PPP2R5E: variants seen among roughly 807,000 people sequenced by gnomAD.
PPP2R5E encodes serine/threonine-protein phosphatase 2A 56 kDa regulatory subunit epsilon isoform.
PPP2R5E carries 4 observed loss-of-function variants against 65.3 expected under a neutral mutation model. The observed-to-expected ratio is 0.06, with a 90% CI of 0.03 to 0.14. The LOEUF (loss-of-function observed/expected upper bound fraction) is 0.14. PPP2R5E is among the 10% of genes least tolerant of loss of function. The pLI is 1.00. For missense variants in PPP2R5E, 274 were observed against 556.1 expected (o/e 0.49, Z 5.10); for synonymous variants, 183 against 187.4 (o/e 0.98, Z 0.19).
chr14:63,464,196 G>A (rs1326258084), intron 2 of PPP2R5E, among the ~76,000 whole-genome samples: 1 of 152,110 alleles, frequency 6.6e-6, no homozygotes, highest in African/African-American at 2.4e-5. Context: ...ATGAAGAGGA[G>A]ACAAAAGTCC....
At chr14:63,519,325 A>G (rs776288902) in intron 2 of PPP2R5E, among the ~76,000 whole-genome samples, 5 of 152,164 alleles carry the variant, frequency 3.3e-5, no homozygotes, top group Non-Finnish European at 5.9e-5. Context: ...TTGAGGGTGT[A>G]TAAATGTTCT....
At chr14:63,484,889 C>G (rs1230481358) in intron 2 of PPP2R5E, among the ~76,000 whole-genome samples, 1 of 152,102 alleles carries the variant, frequency 6.6e-6, no homozygotes, top group Non-Finnish European at 1.5e-5. Flanking sequence ...AAGAACTACC[C>G]ACAAAAAACA....
intron 2 of PPP2R5E, among the ~76,000 whole-genome samples, chr14:63,499,358 G>A (rs936854108): frequency 1.9e-4 from 29 of 152,184 alleles, no homozygotes; most frequent in Admixed American, 1.8e-3. Context: ...TAATAAGGAT[G>A]AGAAAAAGAG....
intron 2 of PPP2R5E, among the ~76,000 whole-genome samples, chr14:63,489,585 T>C (rs578019270): frequency 6.6e-6 from 1 of 152,072 alleles, no homozygotes; most frequent in Admixed American, 6.6e-5. Flanking sequence ...AATTTTTGTA[T>C]TTTTTGTAGA....
intron 2 of PPP2R5E, among the ~76,000 whole-genome samples, chr14:63,459,872 A>C (rs917988910): frequency 2.0e-5 from 3 of 152,180 alleles, no homozygotes; most frequent in African/African-American, 7.2e-5. Flanking sequence ...TTAGTTTCCA[A>C]GCTAAGGAAG....
chr14:63,373,346 G>T lies in PPP2R5E; in HGVS notation c.*2663C>A, dbSNP rs1464919941. The T allele has an allele frequency of 6.6e-6, 1 of 152,200 alleles. No individual in the cohort carries two copies. The allele number at this position is 152,200 out of a possible 1,614,324, so 9.4% of individuals were successfully genotyped here. ...TTTGTCACAATTAACTCAAGTTGCA[G>T]CAACAGCAGAATTGTGGGAAGGGAC... On this transcript the variant is annotated 3_prime_UTR_variant, in exon 14 of 14. Coordinates refer to ENST00000337537, the MANE Select transcript of PPP2R5E (RefSeq NM_006246.5).
chr14:63,469,300 G>A (rs1012711009), intron 2 of PPP2R5E, among the ~76,000 whole-genome samples: 2 of 151,854 alleles, frequency 1.3e-5, no homozygotes, highest in Admixed American at 1.3e-4. Context: ...GATATTATAA[G>A]GGCATATGTT....
chr14:63,462,333 G>A (rs1442485626), intron 2 of PPP2R5E, among the ~76,000 whole-genome samples: 3 of 152,122 alleles, frequency 2.0e-5, no homozygotes, highest in African/African-American at 4.8e-5. Context: ...GCCTCCCAAA[G>A]TGCTAGGATT....
At chr14:63,462,262 G>T (rs1433327104) in intron 2 of PPP2R5E, among the ~76,000 whole-genome samples, 1 of 152,034 alleles carries the variant, frequency 6.6e-6, no homozygotes, top group Non-Finnish European at 1.5e-5. Context: ...AGTAGAGATG[G>T]AGTTTCACCG....
In PPP2R5E at chr14:63,389,684, A is replaced by G. The variant is rs761348511; in HGVS notation, c.1002T>C (p.Pro334=). ...GTTCTTGGATTTTAACAAATTGTGA[A>G]GGTTCAATCACATCCAATATTTCTT... ...ELEEILDVIE[P]SQFVKIQEPL... The change falls in exon 11 of 14, where the codon CCT becomes CCC. Residue 334 remains proline (P), a synonymous_variant. Coordinates refer to ENST00000337537, the MANE Select transcript of PPP2R5E (RefSeq NM_006246.5). 7.4e-6 allele frequency: 12 copies of G among 1,611,776 alleles called. No homozygotes were observed. The highest frequency in any genetic ancestry group is 1.0e-5 in the Non-Finnish European group (12 of 1,179,222).
chr14:63,509,324 G>A (rs1743485209), intron 2 of PPP2R5E, among the ~76,000 whole-genome samples: 1 of 143,330 alleles, frequency 7.0e-6, no homozygotes, highest in Non-Finnish European at 1.5e-5. Context: ...ACCCAGGCTG[G>A]AGTGCAGTGG....
At position 63,469,463 on chromosome 14, in the gene PPP2R5E, C is replaced by T. The variant is rs373978882; in HGVS notation, c.158-15578G>A. Among the ~76,000 whole-genome samples the T allele has an allele frequency of 1.1e-4, 16 of 152,214 alleles. No homozygotes were observed. The South Asian group carries it at 2.7e-3, about 26-fold the overall frequency. On this transcript the variant is annotated intron_variant, in intron 2 of 13. Coordinates refer to ENST00000337537, the MANE Select transcript of PPP2R5E (RefSeq NM_006246.5). ...ATCCCAGCACTTTGGGAGGCCGAGG[C>T]GGGCTGATCACGAGGTCAGGAGATC...
intron 10 of PPP2R5E, among the ~76,000 whole-genome samples, chr14:63,390,948 G>A (rs1367153922): frequency 6.6e-6 from 1 of 152,158 alleles, no homozygotes; most frequent in East Asian, 1.9e-4. Flanking sequence ...TCTCAGCAAA[G>A]GTACAAATGA....
intron 11 of PPP2R5E, among the ~76,000 whole-genome samples, chr14:63,388,430 C>T (rs1451123490): frequency 6.6e-6 from 1 of 152,126 alleles, no homozygotes; most frequent in East Asian, 1.9e-4. Flanking sequence ...TGAGCCACTG[C>T]GCCCAGCCGA....
intron 8 of PPP2R5E, among the ~76,000 whole-genome samples, chr14:63,393,435 G>A (rs185700951): frequency 7.9e-5 from 12 of 152,254 alleles, no homozygotes; most frequent in Admixed American, 7.8e-4. Context: ...CGATAGGCCC[G>A]GCGCCGTGGC....
At chr14:63,437,964 C>T (rs1300732315) in intron 3 of PPP2R5E, among the ~76,000 whole-genome samples, 2 of 152,184 alleles carry the variant, frequency 1.3e-5, no homozygotes, top group Non-Finnish European at 2.9e-5. Context: ...CCTCTCTCTA[C>T]TCATCACAGA....
chr14:63,448,776 C>G (rs913419452), intron 3 of PPP2R5E, among the ~76,000 whole-genome samples: 1 of 102,256 alleles, frequency 9.8e-6, no homozygotes. Flanking sequence ...GGTGACAGAA[C>G]AAGACTTCGT....
At chr14:63,438,095 A>G (rs887002796) in intron 3 of PPP2R5E, among the ~76,000 whole-genome samples, 4 of 152,220 alleles carry the variant, frequency 2.6e-5, no homozygotes, top group Non-Finnish European at 4.4e-5. Flanking sequence ...TTTGGCTTTA[A>G]ATACTGGTCA....
chr14:63,386,514 T>C (rs1391275925), intron 11 of PPP2R5E, among the ~76,000 whole-genome samples: 1 of 152,142 alleles, frequency 6.6e-6, no homozygotes, highest in Non-Finnish European at 1.5e-5. Context: ...GCCTATCCAA[T>C]GTAAACTGTG....
Sources: allele counts gnomAD v4.1 joint callset (sites outside exome capture counted in the v4.1 genomes callset), GRCh38; gene constraint gnomAD v4.1.1; transcripts MANE v1.5; gene names NCBI Gene and HGNC (gene_info 2026-07-23, HGNC 2026-07-21).